OCM: variants seen among roughly 807,000 people sequenced by gnomAD.
The protein encoded by OCM is oncomodulin, also known as oncomodulin-1.
In OCM, 18 loss-of-function variants were observed where a neutral mutation model predicts 14.1. The observed-to-expected ratio is 1.28, with a 90% confidence interval of 0.88 to 1.89. OCM has a LOEUF of 1.89. OCM is among the 40% of genes most tolerant of loss of function. The pLI is 0.00. For synonymous variants in OCM, 48 were observed against 51.0 expected, an observed-to-expected ratio of 0.94 and a Z score of 0.25; for missense variants, 140 against 137.6, an observed-to-expected ratio of 1.02 and a Z score of -0.09.
chr7:5,883,109 T>C (rs1011386849), intron 2 of OCM, among the ~76,000 whole-genome samples: 1 of 152,198 alleles, frequency 6.6e-6, no homozygotes, highest in Non-Finnish European at 1.5e-5. Flanking sequence ...CCCAAAGTGC[T>C]GGGATTACAG....
chr7:5,863,789 C>T, the OCM span, among the ~76,000 whole-genome samples: 8 of 152,128 alleles, frequency 5.3e-5, no homozygotes, highest in East Asian at 1.2e-3. Context: ...GACTCGGCGT[C>T]GCAAAGTGCT....
At chr7:5,883,525 A>G (rs1781269152) in intron 2 of OCM, among the ~76,000 whole-genome samples, 2 of 152,020 alleles carry the variant, frequency 1.3e-5, no homozygotes, top group South Asian at 4.2e-4. Flanking sequence ...CTCTACAAAA[A>G]AAAATACAAA....
At chr7:5,886,020 C>G in intron 3 of OCM, 44 bp from the exon 4 acceptor site, 1 of 1,613,948 alleles carries the variant, frequency 6.2e-7, no homozygotes, top group Non-Finnish European at 8.5e-7. Context: ...CTGTAAAGAA[C>G]CAAGCCACCT....
the OCM span, among the ~76,000 whole-genome samples, chr7:5,869,720 C>A: frequency 6.6e-6 from 1 of 152,292 alleles, no homozygotes; most frequent in African/African-American, 2.4e-5. Context: ...TACCCCAGAA[C>A]AGCTTCTTCT....
chr7:5,885,958 C>G (rs1211098668), intron 3 of OCM, 106 bp from the exon 4 acceptor site: 2 of 1,399,760 alleles, frequency 1.4e-6, no homozygotes. Context: ...CATCATCTGA[C>G]AATTTTCTTT....
chr7:5,870,432 A>G, the OCM span, among the ~76,000 whole-genome samples: 19 of 152,298 alleles, frequency 1.2e-4, no homozygotes, highest in Non-Finnish European at 2.4e-4. Context: ...TTCTTTATGC[A>G]TTCTCATAGC....
upstream of OCM, among the ~76,000 whole-genome samples, chr7:5,874,955 C>T (rs1781064442): frequency 6.6e-6 from 1 of 151,972 alleles, no homozygotes; most frequent in African/African-American, 2.4e-5. Flanking sequence ...AACCACCATT[C>T]TGTCTGTCTC....
In OCM at chr7:5,886,111, A is replaced by G. The variant is rs373782798; in HGVS notation, c.*22A>G. 5 of 1,609,040 alleles carry G rather than the reference A, an allele frequency of 3.1e-6. No individual in the cohort carries two copies. Among genetic ancestry groups the G allele is most frequent in the Admixed American group, 3.3e-5 (2 of 59,966 alleles). On this transcript the variant is annotated 3_prime_UTR_variant, in exon 4 of 4. Coordinates refer to ENST00000242104, the MANE Select transcript of OCM (RefSeq NM_001097622.2). ...TTAAAAGCCCCAGTCTCTGGAGAAA[A>G]GAGAGAAAGGGATAATCACCTGGAA...
chr7:5,860,849 C>CAT, the OCM span, among the ~76,000 whole-genome samples: 1 of 138,688 alleles, frequency 7.2e-6, no homozygotes, highest in Non-Finnish European at 1.7e-5. Flanking sequence ...TATACACATA[C>CAT]ATATACATAT....
At chr7:5,872,901 T>A in the OCM span, among the ~76,000 whole-genome samples, 1 of 151,412 alleles carries the variant, frequency 6.6e-6, no homozygotes, top group South Asian at 2.1e-4. Context: ...AATTAAAATG[T>A]GAAAAAAAAT....
At chr7:5,880,094 C>T (rs1442799059), upstream of OCM, 2 of 152,166 alleles carry the variant, frequency 1.3e-5, no homozygotes, top group Non-Finnish European at 2.9e-5. Flanking sequence ...GGGAGATGGG[C>T]TTTTCATCCA....
At chr7:5,870,706 G>A in the OCM span, among the ~76,000 whole-genome samples, 8 of 152,178 alleles carry the variant, frequency 5.3e-5, no homozygotes, top group Non-Finnish European at 1.2e-4. Context: ...GAAAATGTTT[G>A]CTGCTTTGCT....
chr7:5,880,964 G>T lies in OCM; in HGVS notation c.61+14G>T, dbSNP rs114698537. 1 of 1,611,346 alleles carries T rather than the reference G, an allele frequency of 6.2e-7. No homozygotes were observed. The highest frequency in any genetic ancestry group is 8.5e-7 in the Non-Finnish European group (1 of 1,177,818). On this transcript the variant is annotated intron_variant, in intron 1 of 3. Coordinates refer to ENST00000242104, the MANE Select transcript of OCM (RefSeq NM_001097622.2). The stretch of plus-strand genomic sequence containing the variant: ...AGGAATGCCGAGGTAGAGGGGACGT[G>T]AGGCGGGGGTGGGATTTCCTCACAG...
At chr7:5,860,473 A>G in the OCM span, among the ~76,000 whole-genome samples, 2 of 36,956 alleles carry the variant, frequency 5.4e-5, no homozygotes, top group Non-Finnish European at 8.5e-5. Flanking sequence ...ACGTATATAT[A>G]CGTGTATATA....
At chr7:5,878,191 C>T (rs1344979758), upstream of OCM, among the ~76,000 whole-genome samples, 1 of 151,244 alleles carries the variant, frequency 6.6e-6, no homozygotes, top group Non-Finnish European at 1.5e-5. Context: ...TCTCGAACTC[C>T]TGACCTCTTG....
At chr7:5,861,204 C>G in the OCM span, among the ~76,000 whole-genome samples, 1 of 151,926 alleles carries the variant, frequency 6.6e-6, no homozygotes, top group East Asian at 1.9e-4. Flanking sequence ...GGCAGATCAC[C>G]TGAGGTCAGG....
At chr7:5,874,059 T>TAAA in the OCM span, among the ~76,000 whole-genome samples, 1 of 131,872 alleles carries the variant, frequency 7.6e-6, no homozygotes. Context: ...CTACTAAAAA[T>TAAA]AAAAAAAAAA....
the OCM span, among the ~76,000 whole-genome samples, chr7:5,872,738 C>T: frequency 8.5e-5 from 13 of 152,188 alleles, no homozygotes; most frequent in Non-Finnish European, 1.3e-4. Flanking sequence ...CAAACACTGC[C>T]GAAGGCCGCA....
chr7:5,870,475 C>G, the OCM span, among the ~76,000 whole-genome samples: 106,243 of 152,134 alleles, frequency 0.7, 37,436 homozygotes, highest in Admixed American at 0.78. Flanking sequence ...AGAACAAGTC[C>G]TTATTCATAA....
Sources: gnomAD v4.1 joint callset for allele counts (sites outside exome capture counted in the v4.1 genomes callset) on GRCh38, gnomAD v4.1.1 for gene constraint, MANE v1.5 for transcripts, NCBI Gene and HGNC (gene_info 2026-07-23, HGNC 2026-07-21) for gene names.